PAPSS2: variants seen among roughly 807,000 people sequenced by gnomAD.
The protein encoded by PAPSS2 is 3'-phosphoadenosine 5'-phosphosulfate synthase 2.
A neutral mutation model predicts 66.5 loss-of-function variants in PAPSS2; 61 were observed. That is an observed-to-expected ratio of 0.92 (90% CI 0.75 to 1.14). The LOEUF is 1.14. Ranked by LOEUF, PAPSS2 falls within the 50% of genes most tolerant of loss-of-function variation. PAPSS2 has a pLI of 0.00. For missense variants in PAPSS2, 708 were observed against 789.6 expected (o/e 0.90, Z 1.24); for synonymous variants, 289 against 287.5 (o/e 1.01, Z -0.05).
intron 7 of PAPSS2, among the ~76,000 whole-genome samples, chr10:87,719,945 G>A (rs980194647): frequency 2.0e-5 from 3 of 151,986 alleles, no homozygotes; most frequent in Non-Finnish European, 4.4e-5. Context: ...GAGTGCAGTG[G>A]CGCGATCTCT....
chr10:87,722,635 G>A (rs981207929), intron 8 of PAPSS2, among the ~76,000 whole-genome samples: 2 of 152,144 alleles, frequency 1.3e-5, no homozygotes, highest in Non-Finnish European at 2.9e-5. Context: ...TCAAGGCAGT[G>A]CCCACCAGAG....
intron 6 of PAPSS2, 122 bp from the exon 7 acceptor site, chr10:87,715,610 T>C: frequency 2.8e-6 from 2 of 723,550 alleles, no homozygotes; most frequent in Non-Finnish European, 5.1e-6. Flanking sequence ...GTGGGGACAC[T>C]TAAAACATAG....
Position 87,659,881 on chromosome 10 carries a change from CGCT to C in PAPSS2, c.-77_-75del, listed in dbSNP as rs3217087. 2.3e-3 allele frequency: 2,382 copies of C among 1,017,966 alleles called. 1 individual carries two copies. Among genetic ancestry groups the C allele is most frequent in the Non-Finnish European group, 2.7e-3 (1,782 of 661,398 alleles). The allele number at this position is 1,017,966 out of a possible 1,614,324, so 63.1% of individuals were successfully genotyped here. A position where few individuals can be genotyped will look rare whatever the true frequency, so the allele number is the denominator to read the frequency against. The stretch of plus-strand genomic sequence containing the variant: ...ACCTCCTTCCCGGGAGTCCGGCAGC[CGCT>C]GCTGCTGCTGCTGCTGCTGCTGCCG... On this transcript the variant is annotated 5_prime_UTR_variant, in exon 1 of 13. Coordinates refer to ENST00000456849, the MANE Select transcript of PAPSS2 (RefSeq NM_001015880.2).
chr10:87,677,116 C>T (rs1409274289), intron 1 of PAPSS2, among the ~76,000 whole-genome samples: 1 of 151,992 alleles, frequency 6.6e-6, no homozygotes, highest in Non-Finnish European at 1.5e-5. Context: ...ATTGCTTGAA[C>T]CCGGGAGGCA....
intron 1 of PAPSS2, chr10:87,703,610 G>A (rs1853345939): frequency 2.3e-6 from 1 of 428,094 alleles, no homozygotes; most frequent in Non-Finnish European, 4.6e-6. Flanking sequence ...AGAAAGATAA[G>A]GAGGTTCAGA....
chr10:87,714,798 C>T lies in PAPSS2; in HGVS notation c.574C>T (p.Leu192Phe). The T allele has an allele frequency of 6.2e-7, 1 of 1,613,676 alleles. No individual in the cohort carries two copies. Among genetic ancestry groups the T allele is most frequent in the Non-Finnish European group, 8.5e-7 (1 of 1,179,624 alleles). ...GAAACCTGAAACTCCTGAGCGTGTG[C>T]TTAAAACCAATTTGTCCACAGTGAG... Reference protein sequence around the residue: ...YEKPETPERVLKTNLSTVSDC... With the variant: ...YEKPETPERVFKTNLSTVSDC... The change falls in exon 5 of 13, where the codon CTT becomes TTT. Residue 192 changes from leucine (L) to phenylalanine (F), a missense_variant. By Grantham distance (22) the Leu-to-Phe change is conservative. Coordinates refer to ENST00000456849, the MANE Select transcript of PAPSS2 (RefSeq NM_001015880.2).
At chr10:87,687,414 C>T (rs1853101247) in intron 1 of PAPSS2, among the ~76,000 whole-genome samples, 1 of 152,140 alleles carries the variant, frequency 6.6e-6, no homozygotes, top group African/African-American at 2.4e-5. Context: ...TAGACTAGCC[C>T]ACTTGGTTGA....
Position 87,713,132 on chromosome 10 carries a change from C to T in PAPSS2, c.203C>T (p.Ser68Phe), listed in dbSNP as rs1853483268. 3.7e-6 allele frequency: 6 copies of T among 1,613,448 alleles called. No homozygotes were observed. The highest frequency in any genetic ancestry group is 5.1e-6 in the Non-Finnish European group (6 of 1,179,778). ...ISFALEEYLVSHAIPCYSLDG... is the reference protein window; with the variant it reads ...ISFALEEYLVFHAIPCYSLDG... ...TTTGCCCTGGAGGAGTACCTTGTCT[C>T]CCATGCCATCCCTTGTTACTCCCTG... is the stretch of plus-strand genomic sequence containing the variant. The change falls in exon 3 of 13, where the codon TCC (serine) becomes TTC (phenylalanine). Residue 68 changes from serine to phenylalanine, a missense_variant. Transcript: ENST00000456849.
chr10:87,719,949 G>T (rs537524610), intron 7 of PAPSS2, among the ~76,000 whole-genome samples: 4 of 152,064 alleles, frequency 2.6e-5, no homozygotes, highest in Admixed American at 1.3e-4. Flanking sequence ...GCAGTGGCGC[G>T]ATCTCTGCTC....
In PAPSS2 at chr10:87,682,771, A is replaced by T. The variant is rs147884914; in HGVS notation, c.27+22763A>T. ...CTTTTATCCCTTCCTACATAGATAG[A>T]TGGAAGGGACTCGGCACAATAAAAA... On this transcript the variant is annotated intron_variant, in intron 1 of 12. Coordinates refer to ENST00000456849, the MANE Select transcript of PAPSS2 (RefSeq NM_001015880.2). 3.6e-3 allele frequency among the ~76,000 whole-genome samples: 552 copies of T among 152,272 alleles called. 4 individuals are homozygous for T. Among genetic ancestry groups the T allele is most frequent in the Middle Eastern group, 0.01 (3 of 294 alleles).
intron 1 of PAPSS2, among the ~76,000 whole-genome samples, chr10:87,679,631 A>G (rs1564710286): frequency 1.3e-5 from 2 of 152,188 alleles, no homozygotes; most frequent in Non-Finnish European, 1.5e-5. Context: ...TGTTAAAACA[A>G]AAGTCAAAAG....
At position 87,747,103 on chromosome 10, in the gene PAPSS2, G is replaced by A. The variant is rs1180184553; in HGVS notation, c.*1133G>A. ...CCTCAGCTGCTTAACAAAGTTCCTC[G>A]AACAGAAAGTGCTTACAAAGCTGCC... is the stretch of plus-strand genomic sequence containing the variant. On this transcript the variant is annotated 3_prime_UTR_variant, in exon 13 of 13. Transcript: ENST00000456849. 6.6e-6 allele frequency: 1 copy of A among 151,514 alleles called. No individual in the cohort carries two copies. The allele number at this position is 151,514 out of a possible 1,614,324, so 9.4% of individuals were successfully genotyped here.
chr10:87,699,709 G>C (rs1174312418), intron 1 of PAPSS2, among the ~76,000 whole-genome samples: 3 of 151,844 alleles, frequency 2.0e-5, no homozygotes, highest in Admixed American at 6.6e-5. Context: ...AATTAGCTGG[G>C]CGTGGTGGTG....
intron 7 of PAPSS2, among the ~76,000 whole-genome samples, chr10:87,718,277 C>T (rs1208988678): frequency 2.0e-5 from 3 of 152,052 alleles, no homozygotes; most frequent in Non-Finnish European, 2.9e-5. Context: ...ATAATCTGCC[C>T]GCCTCAGCCT....
intron 1 of PAPSS2, among the ~76,000 whole-genome samples, chr10:87,670,329 T>G (rs1468657682): frequency 6.6e-6 from 1 of 152,200 alleles, no homozygotes. Flanking sequence ...ACATAAAAAT[T>G]TGACCCAGTT....
chr10:87,669,172 C>G (rs1237717740), intron 1 of PAPSS2, among the ~76,000 whole-genome samples: 1 of 152,142 alleles, frequency 6.6e-6, no homozygotes, highest in Non-Finnish European at 1.5e-5. Flanking sequence ...CTTAAACCTT[C>G]TCAAGTGGTT....
At chr10:87,722,601 A>C (rs1853610664) in intron 8 of PAPSS2, among the ~76,000 whole-genome samples, 1 of 152,222 alleles carries the variant, frequency 6.6e-6, no homozygotes, top group African/African-American at 2.4e-5. Context: ...CTTTTTCAAA[A>C]TAAGATATAC....
At chr10:87,696,050 A>G (rs568733724) in intron 1 of PAPSS2, among the ~76,000 whole-genome samples, 25 of 152,258 alleles carry the variant, frequency 1.6e-4, no homozygotes, top group South Asian at 8.3e-4. Context: ...ATCTGTGAGC[A>G]TCTATGGGTG....
chr10:87,673,579 T>TTC (rs1491437508), intron 1 of PAPSS2, among the ~76,000 whole-genome samples: 1 of 33,462 alleles, frequency 3.0e-5, no homozygotes, highest in Non-Finnish European at 5.6e-5. Context: ...TATGTATTCA[T>TTC]GTGTGTGTGT....
Sources: gnomAD v4.1 joint callset for allele counts (sites outside exome capture counted in the v4.1 genomes callset) on GRCh38, gnomAD v4.1.1 for gene constraint, MANE v1.5 for transcripts, NCBI Gene and HGNC (gene_info 2026-07-23, HGNC 2026-07-21) for gene names.